The following RAF1 variants were observed in gnomAD, a reference collection of about 807,000 sequenced individuals.
RAF1 encodes Raf-1 proto-oncogene, serine/threonine kinase, also known as RAF proto-oncogene serine/threonine-protein kinase.
In RAF1, 27 loss-of-function variants were observed where a neutral mutation model predicts 81.1. That is an observed-to-expected ratio of 0.33 (90% confidence interval 0.25 to 0.46). The LOEUF (loss-of-function observed/expected upper bound fraction) is 0.46. RAF1 is among the 20% of genes least tolerant of loss of function. RAF1 has a pLI of 1.00. For synonymous variants in RAF1, 298 were observed against 294.0 expected (o/e 1.01, Z -0.14); for missense variants, 598 against 826.0 (o/e 0.72, Z 3.38).
chr3:12,615,513 C>T (rs1437423138), intron 2 of RAF1, among the ~76,000 whole-genome samples: 2 of 152,162 alleles, frequency 1.3e-5, no homozygotes, highest in Admixed American at 1.3e-4. Context: ...GTAAAAAGAG[C>T]TGACTGATGG....
intron 5 of RAF1, chr3:12,608,547 A>C: frequency 1.7e-6 from 1 of 580,894 alleles, no homozygotes; most frequent in South Asian, 2.0e-5. Flanking sequence ...TCAATTTGAC[A>C]GATAACAAGT....
In RAF1 at chr3:12,614,428, G is replaced by A. The variant is rs201890869; in HGVS notation, c.208-2366C>T. On this transcript the variant is annotated intron_variant, in intron 2 of 17. Transcript: ENST00000442415. ...TACGTGCGTGCGTGTGTGTGTGTGTGTAAAATCTATATTATATATACTGAG... is the reference window on the plus strand; with the variant it reads ...TACGTGCGTGCGTGTGTGTGTGTGTATAAAATCTATATTATATATACTGAG... 1.7e-3 allele frequency among the ~76,000 whole-genome samples: 264 copies of A among 151,096 alleles called. 1 individual carries two copies. Among genetic ancestry groups the A allele is most frequent in the African/African-American group, 5.6e-3 (231 of 41,158 alleles).
At chr3:12,660,115 A>G (rs2060828432) in intron 1 of RAF1, among the ~76,000 whole-genome samples, 1 of 152,082 alleles carries the variant, frequency 6.6e-6, no homozygotes, top group Admixed American at 6.6e-5. Context: ...GAGCAAACAA[A>G]TGACATGTTA....
chr3:12,586,013 A>T (rs2125327403), intron 14 of RAF1: 2 of 541,604 alleles, frequency 3.7e-6, no homozygotes, highest in South Asian at 2.0e-5. Flanking sequence ...GTGCCAGATT[A>T]TTTGGCCCTA....
intron 8 of RAF1, among the ~76,000 whole-genome samples, chr3:12,602,600 T>C (rs1462445123): frequency 2.0e-5 from 3 of 152,132 alleles, no homozygotes; most frequent in African/African-American, 7.2e-5. Flanking sequence ...CAAGTGATCT[T>C]CCCACCCAGC....
intron 6 of RAF1, among the ~76,000 whole-genome samples, chr3:12,604,723 A>G (rs915225066): frequency 1.3e-5 from 2 of 152,192 alleles, no homozygotes; most frequent in Non-Finnish European, 2.9e-5. Flanking sequence ...CATGTCTGTA[A>G]AAAGGCCAGG....
At chr3:12,622,280 T>A (rs903257051) in intron 1 of RAF1, among the ~76,000 whole-genome samples, 1 of 152,170 alleles carries the variant, frequency 6.6e-6, no homozygotes, top group Non-Finnish European at 1.5e-5. Flanking sequence ...CATCTGAGCA[T>A]CTCACTAGCC....
Position 12,585,207 on chromosome 3 carries a change from T to C in RAF1, c.1643A>G (p.Gln548Arg). ...GATGCCATAGGAGTAGACATCCGAC[T>C]GGAAACTGAATGGGTTGTTATCCTG... The change falls in exon 16 of 18, where the codon CAG becomes CGG. Residue 548 changes from glutamine to arginine, a missense_variant. Physicochemically the swap from Gln to Arg is conservative, Grantham distance 43 (BLOSUM62 1). Around this residue, in one of 5 missense-constraint regions of RAF1, gnomAD observed 147 missense variants for 196.1 expected, o/e 0.75. Coordinates refer to ENST00000442415, the MANE Select transcript of RAF1 (RefSeq NM_001354689.3). The C allele has an allele frequency of 1.9e-6, 3 of 1,614,160 alleles. No homozygotes were observed. Among genetic ancestry groups the C allele is most frequent in the South Asian group, 1.1e-5 (1 of 91,080 alleles).
At chr3:12,661,428 GCA>G (rs1259681917) in intron 1 of RAF1, among the ~76,000 whole-genome samples, 1 of 152,232 alleles carries the variant, frequency 6.6e-6, no homozygotes, top group Admixed American at 6.5e-5. Flanking sequence ...TTTAGGCCAG[GCA>G]CAGTGGCTCA....
chr3:12,638,851 C>T (rs1478889039), intron 1 of RAF1, among the ~76,000 whole-genome samples: 12 of 152,180 alleles, frequency 7.9e-5, no homozygotes. Context: ...ACCTGGCCAA[C>T]ACGGCCTAAA....
chr3:12,660,181 A>T (rs1575692701), intron 1 of RAF1, among the ~76,000 whole-genome samples: 1 of 152,132 alleles, frequency 6.6e-6, no homozygotes, highest in African/African-American at 2.4e-5. Flanking sequence ...GATGTTTAAC[A>T]TTCTTCACTT....
At chr3:12,642,176 G>A (rs111259664) in intron 1 of RAF1, among the ~76,000 whole-genome samples, 2,614 of 150,900 alleles carry the variant, frequency 0.017, 72 homozygotes, top group African/African-American at 0.06. Context: ...TAGGCTGGGC[G>A]CAGTGGCTCA....
rs1322387413 is a variant in RAF1 at position 12,606,186 on chromosome 3, T to C, written c.680+15A>G. Reference sequence around the variant, plus strand: ...AAATAACTTTCTAAAAGAAAAGCTATAGGTAAAAAATTACCTAACAGGCAT... The same window carrying C: ...AAATAACTTTCTAAAAGAAAAGCTACAGGTAAAAAATTACCTAACAGGCAT... On this transcript the variant is annotated intron_variant, in intron 6 of 17. Coordinates refer to ENST00000442415, the MANE Select transcript of RAF1 (RefSeq NM_001354689.3). 1 of 1,594,700 alleles carries C rather than the reference T, an allele frequency of 6.3e-7. No homozygotes were observed.
intron 1 of RAF1, among the ~76,000 whole-genome samples, chr3:12,623,877 G>A (rs1450173417): frequency 7.1e-6 from 1 of 140,132 alleles, no homozygotes; most frequent in Non-Finnish European, 1.5e-5. Context: ...TTTTTTTTGA[G>A]ACAGTCTTGC....
chr3:12,601,825 A>AT (rs1344391792), intron 8 of RAF1, among the ~76,000 whole-genome samples: 13 of 152,204 alleles, frequency 8.5e-5, no homozygotes, highest in Non-Finnish European at 1.8e-4. Context: ...GGAAAGAAGA[A>AT]TGAAGATCCA....
At chr3:12,642,514 G>GA (rs892538922) in intron 1 of RAF1, among the ~76,000 whole-genome samples, 58 of 145,684 alleles carry the variant, frequency 4.0e-4, no homozygotes, top group African/African-American at 7.6e-4. Flanking sequence ...TCCATCTCAG[G>GA]AAAAAAAAAA....
intron 11 of RAF1, among the ~76,000 whole-genome samples, chr3:12,598,842 A>G (rs1473640217): frequency 1.3e-5 from 2 of 151,752 alleles, no homozygotes; most frequent in Non-Finnish European, 2.9e-5. Context: ...AACTTCTCTC[A>G]ATCTTTGCAC....
intron 2 of RAF1, among the ~76,000 whole-genome samples, chr3:12,617,491 A>T (rs1388666041): frequency 6.6e-6 from 1 of 152,118 alleles, no homozygotes; most frequent in East Asian, 1.9e-4. Flanking sequence ...GAGCTCAAGC[A>T]ATCTGCCCAC....
intron 1 of RAF1, among the ~76,000 whole-genome samples, chr3:12,633,999 A>G (rs2059943778): frequency 6.6e-6 from 1 of 151,920 alleles, no homozygotes; most frequent in African/African-American, 2.4e-5. Context: ...CAACAACACT[A>G]GAAGACATAA....
Sources: gnomAD v4.1 joint callset for allele counts (sites outside exome capture counted in the v4.1 genomes callset) on GRCh38, gnomAD v4.1.1 for gene constraint, gnomAD v4.1.1 regional missense constraint, MANE v1.5 for transcripts, NCBI Gene and HGNC (gene_info 2026-07-23, HGNC 2026-07-21) for gene names.